Variants in DDAH1 observed in about 807,000 individuals in gnomAD.
The protein encoded by DDAH1 is N(G),N(G)-dimethylarginine dimethylaminohydrolase 1.
In DDAH1, 19 loss-of-function variants were observed where a neutral mutation model predicts 28.8. The ratio of observed to expected loss-of-function variants is 0.66; its 90% CI spans 0.46 to 0.97. The LOEUF (loss-of-function observed/expected upper bound fraction) is 0.97. DDAH1 is among the 50% of genes least tolerant of loss of function. The pLI is 0.00. For synonymous variants in DDAH1, 153 were observed against 154.4 expected (o/e 0.99, Z 0.07); for missense variants, 326 against 375.9 (o/e 0.87, Z 1.10).
chr1:85,455,441 CTTTT>C (rs907989887), intron 1 of DDAH1, among the ~76,000 whole-genome samples: 2 of 151,016 alleles, frequency 1.3e-5, no homozygotes, highest in African/African-American at 4.9e-5. Context: ...GTATCTTTTT[CTTTT>C]TTTTTGTCTT....
At chr1:85,554,276 G>GTTTGT (rs1658894037) in intron 1 of DDAH1, among the ~76,000 whole-genome samples, 1 of 110,726 alleles carries the variant, frequency 9.0e-6, no homozygotes, top group Admixed American at 9.9e-5. Flanking sequence ...AATTGTAAGA[G>GTTTGT]TTTTTTTTTT....
At chr1:85,334,485 G>A (rs1647985338) in intron 4 of DDAH1, among the ~76,000 whole-genome samples, 1 of 152,190 alleles carries the variant, frequency 6.6e-6, no homozygotes, top group Non-Finnish European at 1.5e-5. Flanking sequence ...CCAATGTTGG[G>A]GGAGGGACCC....
At chr1:85,519,978 T>G (rs12408937) in intron 1 of DDAH1, among the ~76,000 whole-genome samples, 87 of 54,436 alleles carry the variant, frequency 1.6e-3, no homozygotes, top group South Asian at 7.1e-3. Context: ...TCCCCTTTAT[T>G]TATTTATTTA....
chr1:85,372,140 C>G (rs1416767914), intron 1 of DDAH1, among the ~76,000 whole-genome samples: 1 of 152,102 alleles, frequency 6.6e-6, no homozygotes, highest in Non-Finnish European at 1.5e-5. Flanking sequence ...CCTTCTGATT[C>G]CAGGCTGAAG....
intron 1 of DDAH1, among the ~76,000 whole-genome samples, chr1:85,449,690 T>C (rs12726532): frequency 0.17 from 25,851 of 152,040 alleles, 2,439 homozygotes; most frequent in Middle Eastern, 0.25. Context: ...GGAAGGGGTC[T>C]CTGAACCTGA....
intron 1 of DDAH1, among the ~76,000 whole-genome samples, chr1:85,541,917 C>A (rs1342180999): frequency 6.6e-6 from 1 of 152,124 alleles, no homozygotes; most frequent in Non-Finnish European, 1.5e-5. Flanking sequence ...CTTGGACTTC[C>A]CAGCTTTCAG....
At chr1:85,334,577 A>C (rs1188320323) in intron 4 of DDAH1, among the ~76,000 whole-genome samples, 1 of 152,080 alleles carries the variant, frequency 6.6e-6, no homozygotes, top group Non-Finnish European at 1.5e-5. Flanking sequence ...CTGATGGTTT[A>C]AAAGTGTGTG....
chr1:85,400,502 C>T (rs1652043893), intron 1 of DDAH1, among the ~76,000 whole-genome samples: 1 of 151,976 alleles, frequency 6.6e-6, no homozygotes, highest in Non-Finnish European at 1.5e-5. Flanking sequence ...TGTGCCTGGC[C>T]TACTCTTGCA....
chr1:85,450,744 C>T (rs1195462078), intron 1 of DDAH1, among the ~76,000 whole-genome samples: 5 of 152,138 alleles, frequency 3.3e-5, no homozygotes, highest in Admixed American at 6.5e-5. Context: ...GGAACTGAGA[C>T]TCAATTCCAG....
chr1:85,441,840 AAAG>A (rs534615979), intron 1 of DDAH1, among the ~76,000 whole-genome samples: 5 of 152,296 alleles, frequency 3.3e-5, no homozygotes, highest in Admixed American at 6.5e-5. Flanking sequence ...TATCACATCT[AAAG>A]AAGATTAGTT....
At chr1:85,530,074 TG>T (rs1231025843) in intron 1 of DDAH1, among the ~76,000 whole-genome samples, 1 of 108,006 alleles carries the variant, frequency 9.3e-6, no homozygotes, top group Non-Finnish European at 2.3e-5. Context: ...ACCCAGGGTC[TG>T]AAAAAAATAT....
chr1:85,500,169 T>TC (rs1656769397), intron 1 of DDAH1, among the ~76,000 whole-genome samples: 1 of 149,068 alleles, frequency 6.7e-6, no homozygotes, highest in Non-Finnish European at 1.5e-5. Flanking sequence ...CTTTCTCTTT[T>TC]TTCCTTCCTT....
At chr1:85,377,144 T>C (rs1444086855) in intron 1 of DDAH1, among the ~76,000 whole-genome samples, 4 of 152,070 alleles carry the variant, frequency 2.6e-5, no homozygotes, top group Non-Finnish European at 4.4e-5. Flanking sequence ...TCCCAGTAGG[T>C]TGGCATGACT....
chr1:85,437,483 C>A (rs1208949757), intron 1 of DDAH1, among the ~76,000 whole-genome samples: 1 of 152,102 alleles, frequency 6.6e-6, no homozygotes, highest in Non-Finnish European at 1.5e-5. Flanking sequence ...TGGATAAGAT[C>A]TTTATGATAA....
chr1:85,475,918 C>T (rs1265429558), intron 2 of DDAH1, among the ~76,000 whole-genome samples: 1 of 152,184 alleles, frequency 6.6e-6, no homozygotes. Context: ...ATGGCACAAT[C>T]TCGGCTCACT....
chr1:85,502,887 G>A (rs999074377), intron 1 of DDAH1, among the ~76,000 whole-genome samples: 1 of 152,104 alleles, frequency 6.6e-6, no homozygotes, highest in Non-Finnish European at 1.5e-5. Flanking sequence ...CAGAACACTC[G>A]GGGCCTCTGC....
At chr1:85,564,764 G>A (rs1324714897) in intron 1 of DDAH1, among the ~76,000 whole-genome samples, 1 of 151,878 alleles carries the variant, frequency 6.6e-6, no homozygotes, top group East Asian at 1.9e-4. Flanking sequence ...CAGCTACTCA[G>A]GAGGCTGAGG....
At chr1:85,424,609 T>C (rs894176207) in intron 1 of DDAH1, among the ~76,000 whole-genome samples, 1 of 152,060 alleles carries the variant, frequency 6.6e-6, no homozygotes, top group East Asian at 1.9e-4. Flanking sequence ...AATGTAAAAA[T>C]AGATACCATT....
In DDAH1 at chr1:85,324,842, A is replaced by G. The variant is rs772859238; in HGVS notation, c.639T>C (p.Thr213=). The G allele has an allele frequency of 1.4e-5, 23 of 1,614,034 alleles. No individual in the cohort carries two copies. The change falls in exon 5 of 6, where the codon ACT becomes ACC. Residue 213 remains threonine (T), a synonymous_variant. Transcript: ENST00000284031. ...QMSDHRYDKL[T]VPDDIAANCI... ...AGTTTGCTGCTATGTCATCAGGCAC[A>G]GTGAGTTTGTCGTAGCGGTGGTCAC...
Sources: allele counts gnomAD v4.1 joint callset (sites outside exome capture counted in the v4.1 genomes callset), GRCh38; gene constraint gnomAD v4.1.1; transcripts MANE v1.5; gene names NCBI Gene and HGNC (gene_info 2026-07-23, HGNC 2026-07-21).